The following ADCY2 variants were observed in gnomAD, a reference collection of about 807,000 sequenced individuals.
ADCY2 encodes the protein adenylate cyclase type 2.
In ADCY2, 31 loss-of-function variants were observed where a neutral mutation model predicts 125.2. The observed-to-expected ratio is 0.25, with a 90% CI of 0.19 to 0.33. ADCY2 has a LOEUF of 0.33. ADCY2 is among the 10% of genes least tolerant of loss of function. The pLI is 1.00. For synonymous variants in ADCY2, 512 were observed against 548.4 expected (o/e 0.93, Z 0.93); for missense variants, 904 against 1,418.2 (o/e 0.64, Z 5.82).
intron 2 of ADCY2, among the ~76,000 whole-genome samples, chr5:7,461,639 C>CT (rs1741921727): frequency 6.6e-6 from 1 of 152,192 alleles, no homozygotes; most frequent in Non-Finnish European, 1.5e-5. Flanking sequence ...CATTGAGCCA[C>CT]TCTTTTGTAT....
intron 14 of ADCY2, among the ~76,000 whole-genome samples, chr5:7,731,711 C>G (rs10462845): frequency 0.37 from 55,835 of 151,850 alleles, 12,316 homozygotes; most frequent in East Asian, 0.94. Flanking sequence ...TCAAGCAGTT[C>G]TCCTGCCTCA....
At chr5:7,735,891 T>C (rs981246759) in intron 14 of ADCY2, among the ~76,000 whole-genome samples, 1 of 152,160 alleles carries the variant, frequency 6.6e-6, no homozygotes, top group Admixed American at 6.5e-5. Flanking sequence ...AAAAAATGGA[T>C]ATTAATTCTT....
At chr5:7,538,565 T>C (rs1734894204) in intron 3 of ADCY2, among the ~76,000 whole-genome samples, 1 of 152,168 alleles carries the variant, frequency 6.6e-6, no homozygotes. Context: ...GCTTGAAATA[T>C]TTAAATGGGA....
At chr5:7,556,301 T>C (rs894387574) in intron 3 of ADCY2, among the ~76,000 whole-genome samples, 6 of 152,176 alleles carry the variant, frequency 3.9e-5, no homozygotes, top group African/African-American at 1.4e-4. Context: ...AGAACTGCTC[T>C]ACAGGAATAA....
rs750384434 is a variant in ADCY2 at position 7,709,230 on chromosome 5, A to G, written c.1421A>G (p.Gln474Arg). ...CCCAAGGGAGAACGACGGAGCCCCC[A>G]GCATCTCTTCAGACCTCGCCACACC... Reference protein sequence around the residue: ...INPKGERRSPQHLFRPRHTLD... With the variant: ...INPKGERRSPRHLFRPRHTLD... Residue 474 changes from glutamine (Q) to arginine (R), a missense_variant, in exon 10 of 25, where the codon CAG becomes CGG. Gln to Arg is a conservative substitution (Grantham distance 43). This residue lies in a region of ADCY2 where 144 missense variants were observed against 227.7 expected (regional missense o/e 0.63). Coordinates refer to ENST00000338316, the MANE Select transcript of ADCY2 (RefSeq NM_020546.3). This position sits in a 1 kb window ranked among gnomAD's most constrained non-coding sequence, Gnocchi z 4.4. 7 of 1,611,854 alleles carry G rather than the reference A, an allele frequency of 4.3e-6. No individual in the cohort carries two copies. In the Admixed American group the frequency reaches 1.2e-4, roughly 27 times the overall value.
chr5:7,567,809 A>G (rs751969617), intron 3 of ADCY2, among the ~76,000 whole-genome samples: 13 of 152,204 alleles, frequency 8.5e-5, no homozygotes, highest in East Asian at 1.9e-4. Flanking sequence ...GTCAGCATCT[A>G]TGAAAGAATT....
At chr5:7,501,670 C>G (rs1561060541) in intron 2 of ADCY2, among the ~76,000 whole-genome samples, 1 of 112,346 alleles carries the variant, frequency 8.9e-6, no homozygotes, top group Non-Finnish European at 1.7e-5. Flanking sequence ...CCAGTAACTT[C>G]AAGTTATGTT....
chr5:7,520,720 C>G lies in ADCY2; in HGVS notation c.409-18C>G, dbSNP rs779329863. On this transcript the variant is annotated intron_variant, in intron 2 of 24. Transcript: ENST00000338316. ...AGAATATTTGGTGACTCTTATTGTT[C>G]TTCTTCTCTGCCCGTAGGTATCGTT... is the stretch of plus-strand genomic sequence containing the variant. 6 of 1,613,228 alleles carry G rather than the reference C, an allele frequency of 3.7e-6. No homozygotes were observed. In the South Asian group the frequency reaches 4.4e-5, roughly 12 times the overall value.
chr5:7,523,589 T>C (rs778218091), intron 3 of ADCY2, among the ~76,000 whole-genome samples: 41 of 152,296 alleles, frequency 2.7e-4, no homozygotes, highest in Non-Finnish European at 5.4e-4. Context: ...CGAACAGATT[T>C]GAAATGGGAG....
At chr5:7,730,220 A>AT (rs1742059534) in intron 14 of ADCY2, among the ~76,000 whole-genome samples, 2 of 152,206 alleles carry the variant, frequency 1.3e-5, no homozygotes, top group South Asian at 4.2e-4. Context: ...TATTTCTTTT[A>AT]TTTTTTTGGC....
At chr5:7,554,267 TG>T (rs1735435709) in intron 3 of ADCY2, among the ~76,000 whole-genome samples, 1 of 152,204 alleles carries the variant, frequency 6.6e-6, no homozygotes, top group Non-Finnish European at 1.5e-5. Context: ...TAAAGGGATT[TG>T]TCTTGATTTT....
chr5:7,533,756 T>C (rs990337498), intron 3 of ADCY2, among the ~76,000 whole-genome samples: 1 of 152,248 alleles, frequency 6.6e-6, no homozygotes, highest in African/African-American at 2.4e-5. Flanking sequence ...GTTTTTATTA[T>C]TAATTTTAGT....
chr5:7,685,441 T>TCCCA (rs1040429803), intron 4 of ADCY2, among the ~76,000 whole-genome samples: 4 of 152,172 alleles, frequency 2.6e-5, no homozygotes, highest in Non-Finnish European at 5.9e-5. Context: ...AAGGGTGGAA[T>TCCCA]CCCATCTTCT....
At chr5:7,723,218 T>G (rs1341497381) in intron 12 of ADCY2, among the ~76,000 whole-genome samples, 1 of 152,134 alleles carries the variant, frequency 6.6e-6, no homozygotes, top group Non-Finnish European at 1.5e-5. Flanking sequence ...ACCTGGGTGA[T>G]GAAATAATCT....
At chr5:7,816,531 G>A (rs1406729852) in intron 22 of ADCY2, among the ~76,000 whole-genome samples, 1 of 152,254 alleles carries the variant, frequency 6.6e-6, no homozygotes, top group Non-Finnish European at 1.5e-5. Context: ...AAGGAGGGAA[G>A]AAGGCGCCAG....
rs143215387 is a variant in ADCY2, at chr5:7,583,746, A to G, written c.571-42421A>G. On this transcript the variant is annotated intron_variant, in intron 3 of 24. Transcript: ENST00000338316. ...ACCTGCTCTGTGACCTAGCAATTCA[A>G]CTTCTAGGTATGTACCCAAGAGAAA... Among the ~76,000 whole-genome samples, 505 of 152,222 alleles carry G rather than the reference A, an allele frequency of 3.3e-3. 7 individuals carry two copies. The highest frequency in any genetic ancestry group is 0.012 in the African/African-American group (481 of 41,568).
At chr5:7,727,820 AC>A (rs1404297458) in intron 14 of ADCY2, among the ~76,000 whole-genome samples, 3 of 152,036 alleles carry the variant, frequency 2.0e-5, no homozygotes, top group African/African-American at 7.2e-5. Flanking sequence ...ATCTGAGCAA[AC>A]CACATTTCAT....
At chr5:7,424,714 A>G (rs908933173) in intron 2 of ADCY2, among the ~76,000 whole-genome samples, 7 of 152,242 alleles carry the variant, frequency 4.6e-5, no homozygotes, top group Non-Finnish European at 8.8e-5. Context: ...CACTCCTCAC[A>G]TGAATCAATA....
intron 14 of ADCY2, among the ~76,000 whole-genome samples, chr5:7,732,477 G>A (rs546606206): frequency 5.3e-5 from 8 of 152,244 alleles, no homozygotes; most frequent in Non-Finnish European, 7.4e-5. Context: ...CTCCTGGGCC[G>A]TTTAGCATCA....
Sources: gnomAD v4.1 joint callset for allele counts (sites outside exome capture counted in the v4.1 genomes callset) on GRCh38, gnomAD v4.1.1 for gene constraint, gnomAD v4.1.1 regional missense constraint, Gnocchi (gnomAD v3.1) non-coding constraint, MANE v1.5 for transcripts, NCBI Gene and HGNC (gene_info 2026-07-23, HGNC 2026-07-21) for gene names.